BEND3: variants seen among roughly 807,000 people sequenced by gnomAD.
BEND3 encodes BEN domain-containing protein 3.
BEND3 carries 13 observed loss-of-function variants against 60.1 expected under a neutral mutation model. The ratio of observed to expected loss-of-function variants is 0.22; its 90% CI spans 0.14 to 0.34. BEND3 has a LOEUF of 0.34. Ranked by LOEUF, BEND3 falls within the 10% of genes least tolerant of loss-of-function variation. The pLI is 1.00. For synonymous variants in BEND3, 497 were observed against 491.5 expected (o/e 1.01, Z -0.15); for missense variants, 896 against 1,138.1 (o/e 0.79, Z 3.06).
At chr6:107,071,051 G>C in intron 3 of BEND3, 101 bp from the exon 4 acceptor site, 2 of 1,168,830 alleles carry the variant, frequency 1.7e-6, no homozygotes, top group Non-Finnish European at 2.4e-6. Context: ...GTCAACCTTG[G>C]GAGCATGTAA....
Position 107,068,627 on chromosome 6 carries a change from C to G in BEND3, c.*77G>C. 6.6e-7 allele frequency: 1 copy of G among 1,509,232 alleles called. No individual in the cohort carries two copies. The highest frequency in any genetic ancestry group is 1.3e-5 in the South Asian group (1 of 77,528). 93.5% of individuals were successfully genotyped at this position (1,509,232 alleles called of 1,614,324 possible). On this transcript the variant is annotated 3_prime_UTR_variant, in exon 4 of 4. Transcript: ENST00000369042. The surrounding 1 kb of genome is among the most constrained non-coding windows in gnomAD (Gnocchi z 5.8). Reference sequence around the variant, plus strand: ...GTCTGTGGATGCCATAGGCGTGCTCCCAAGTATTGCTCAGTCCCAAGGGTG... The same window carrying G: ...GTCTGTGGATGCCATAGGCGTGCTCGCAAGTATTGCTCAGTCCCAAGGGTG...
At chr6:107,089,657 T>C (rs1019705341) in intron 3 of BEND3, among the ~76,000 whole-genome samples, 31 of 148,774 alleles carry the variant, frequency 2.1e-4, no homozygotes, top group Non-Finnish European at 1.3e-4. Flanking sequence ...CGCAAGGGCA[T>C]GATCTTGGCT....
Position 107,069,970 on chromosome 6 carries a change from T to G in BEND3, c.1221A>C (p.Pro407=). Reference sequence around the variant, plus strand: ...GGAGGAGGAAGACGGCAAACTCGCCTGGTGAGGAGGCTTCGTCCAGGAACT... The same window carrying G: ...GGAGGAGGAAGACGGCAAACTCGCCGGGTGAGGAGGCTTCGTCCAGGAACT... ...LTEFLDEASS[P]GEFAVFLLHR... The change falls in exon 4 of 4, where the codon CCA becomes CCC. Residue 407 remains proline, a synonymous_variant. Coordinates refer to ENST00000369042, the MANE Select transcript of BEND3 (RefSeq NM_001367314.1). 1.2e-6 allele frequency: 2 copies of G among 1,613,066 alleles called. No homozygotes were observed. The highest frequency in any genetic ancestry group is 1.7e-6 in the Non-Finnish European group (2 of 1,179,778).
chr6:107,095,589 A>G lies in BEND3; in HGVS notation c.240+2962T>C, dbSNP rs368312989. ...CTTATGTCCACATGAAAACCTATACATGGATGTTTATAGCAGCATTATTCA... is the reference window on the plus strand; with the variant it reads ...CTTATGTCCACATGAAAACCTATACGTGGATGTTTATAGCAGCATTATTCA... On this transcript the variant is annotated intron_variant, in intron 3 of 3. Coordinates refer to ENST00000369042, the MANE Select transcript of BEND3 (RefSeq NM_001367314.1). 1.1e-4 allele frequency among the ~76,000 whole-genome samples: 16 copies of G among 152,286 alleles called. No individual in the cohort carries two copies. In the East Asian group the frequency reaches 1.9e-3, roughly 18 times the overall value.
intron 3 of BEND3, among the ~76,000 whole-genome samples, chr6:107,094,835 T>C (rs1303438502): frequency 6.8e-6 from 1 of 147,276 alleles, no homozygotes; most frequent in Non-Finnish European, 1.5e-5. Flanking sequence ...TTTTTTTTTT[T>C]TTTGAGACAG....
intron 3 of BEND3, among the ~76,000 whole-genome samples, chr6:107,075,227 A>AAAAT (rs79362873): frequency 0.35 from 52,063 of 150,530 alleles, 10,083 homozygotes; most frequent in Non-Finnish European, 0.44. Context: ...CTGTGTCTCA[A>AAAAT]AAATAAATAA....
At chr6:107,109,764 C>G (rs1301740043) in intron 1 of BEND3, among the ~76,000 whole-genome samples, 1 of 151,862 alleles carries the variant, frequency 6.6e-6, no homozygotes, top group Non-Finnish European at 1.5e-5. Context: ...ATCCCAGCTA[C>G]TCAGGAGGCT....
chr6:107,113,671 G>C (rs1554238844), intron 1 of BEND3, among the ~76,000 whole-genome samples: 1 of 152,000 alleles, frequency 6.6e-6, no homozygotes, highest in African/African-American at 2.4e-5. Flanking sequence ...CTGTGAGGGA[G>C]ATAAAAAATC....
At chr6:107,107,713 T>G (rs953213705) in intron 1 of BEND3, among the ~76,000 whole-genome samples, 1 of 152,148 alleles carries the variant, frequency 6.6e-6, no homozygotes, top group Non-Finnish European at 1.5e-5. Flanking sequence ...CCACCTGCCT[T>G]GGCCTCCCAA....
In BEND3 at chr6:107,069,417, G is replaced by A. The variant is rs1554231450; in HGVS notation, c.1774C>T (p.Arg592Cys). 4.3e-6 allele frequency: 7 copies of A among 1,612,624 alleles called. No homozygotes were observed. Among genetic ancestry groups the A allele is most frequent in the South Asian group, 1.1e-5 (1 of 91,076 alleles). ...FPELFTHENLRKQYNCSGSLG... is the reference protein window; with the variant it reads ...FPELFTHENLCKQYNCSGSLG... ...GAGCCGCTGCAGTTGTACTGCTTGC[G>A]CAGGTTCTCGTGCGTGAAGAGCTCG... is the stretch of plus-strand genomic sequence containing the variant. Residue 592 changes from arginine (R) to cysteine (C), a missense_variant, in exon 4 of 4, where the codon CGC becomes TGC. Coordinates refer to ENST00000369042, the MANE Select transcript of BEND3 (RefSeq NM_001367314.1).
intron 1 of BEND3, among the ~76,000 whole-genome samples, chr6:107,102,658 C>T (rs1429047500): frequency 1.3e-5 from 2 of 152,196 alleles, no homozygotes; most frequent in African/African-American, 4.8e-5. Context: ...CCCTTCCCTC[C>T]GGGCCAGCAA....
intron 1 of BEND3, among the ~76,000 whole-genome samples, chr6:107,109,261 T>C (rs1244215673): frequency 3.3e-5 from 5 of 150,124 alleles, no homozygotes; most frequent in Non-Finnish European, 7.4e-5. Flanking sequence ...CTGGCCAACA[T>C]GACAAAACCC....
At chr6:107,098,112 C>T (rs1554236253) in intron 3 of BEND3, among the ~76,000 whole-genome samples, 1 of 152,164 alleles carries the variant, frequency 6.6e-6, no homozygotes, top group African/African-American at 2.4e-5. Flanking sequence ...GAGTTCAAGA[C>T]CAGCCTGGGC....
chr6:107,093,397 C>T (rs1554235509), intron 3 of BEND3, among the ~76,000 whole-genome samples: 1 of 151,486 alleles, frequency 6.6e-6, no homozygotes, highest in African/African-American at 2.4e-5. Context: ...GGAGGCGGAG[C>T]TTGCAGTGAG....
chr6:107,112,402 C>T (rs1351986999), intron 1 of BEND3, among the ~76,000 whole-genome samples: 3 of 152,152 alleles, frequency 2.0e-5, no homozygotes, highest in South Asian at 2.1e-4. Flanking sequence ...GTCAATATGG[C>T]ACCTGTTAAT....
Position 107,070,573 on chromosome 6 carries a change from G to A in BEND3, c.618C>T (p.Leu206=). ...IQKMFYMLNT[L]TSNMSQLHSK... ...TGTGCAGCTGGGACATGTTGGACGT[G>A]AGGGTGTTCAGCATGTAGAACATCT... is the stretch of plus-strand genomic sequence containing the variant. Residue 206 remains leucine (L), a synonymous_variant, in exon 4 of 4, where the codon CTC becomes CTT. Transcript: ENST00000369042. This position sits in a 1 kb window ranked among gnomAD's most constrained non-coding sequence, Gnocchi z 6.9. 1 of 1,612,924 alleles carries A rather than the reference G, an allele frequency of 6.2e-7. No homozygotes were observed. Among genetic ancestry groups the A allele is most frequent in the Non-Finnish European group, 8.5e-7 (1 of 1,180,034 alleles).
At chr6:107,113,749 G>A (rs1365941076) in intron 1 of BEND3, 4 of 152,034 alleles carry the variant, frequency 2.6e-5, no homozygotes, top group Non-Finnish European at 4.4e-5. Flanking sequence ...CCAATATCTA[G>A]GGATGAATGG....
At chr6:107,089,517 C>T (rs188802302) in intron 3 of BEND3, among the ~76,000 whole-genome samples, 154 of 149,080 alleles carry the variant, frequency 1.0e-3, no homozygotes, top group African/African-American at 3.4e-3. Context: ...ACCCAGGAGG[C>T]GGAGCTTGCA....
intron 3 of BEND3, among the ~76,000 whole-genome samples, chr6:107,095,374 C>T (rs1397874736): frequency 1.3e-5 from 2 of 152,108 alleles, no homozygotes; most frequent in Non-Finnish European, 2.9e-5. Flanking sequence ...AACCAAGATA[C>T]TACCACATAC....
Sources: gnomAD v4.1 joint callset for allele counts (sites outside exome capture counted in the v4.1 genomes callset) on GRCh38, gnomAD v4.1.1 for gene constraint, Gnocchi (gnomAD v3.1) non-coding constraint, MANE v1.5 for transcripts, NCBI Gene and HGNC (gene_info 2026-07-23, HGNC 2026-07-21) for gene names.